The following PTPRG variants were observed in gnomAD, a reference collection of about 807,000 sequenced individuals.
PTPRG encodes receptor-type tyrosine-protein phosphatase gamma.
Under a neutral mutation model 165.3 loss-of-function variants are expected in PTPRG, and 102 were observed. The observed-to-expected ratio is 0.62, with a 90% CI of 0.53 to 0.73. PTPRG has a LOEUF of 0.73. PTPRG is among the 30% of genes least tolerant of loss of function. The pLI is 0.00. For synonymous variants in PTPRG, 675 were observed against 669.5 expected, an observed-to-expected ratio of 1.01 and a Z score of -0.13; for missense variants, 1,866 against 1,861.4, an observed-to-expected ratio of 1.00 and a Z score of -0.05.
intron 2 of PTPRG, among the ~76,000 whole-genome samples, chr3:61,962,690 T>C (rs2040181654): frequency 6.7e-6 from 1 of 150,118 alleles, no homozygotes; most frequent in Non-Finnish European, 1.5e-5. Context: ...GCATTATTTA[T>C]AATACCTCAC....
intron 8 of PTPRG, among the ~76,000 whole-genome samples, chr3:62,177,730 T>C (rs773151294): frequency 9.9e-5 from 15 of 152,078 alleles, no homozygotes; most frequent in Non-Finnish European, 1.6e-4. Flanking sequence ...TTGTCCCACC[T>C]CTGTACCTAA....
chr3:62,028,516 C>T (rs913365116), intron 4 of PTPRG, among the ~76,000 whole-genome samples: 8 of 152,270 alleles, frequency 5.3e-5, no homozygotes, highest in African/African-American at 1.7e-4. Context: ...ATTTCATTTC[C>T]GTATATCCAC....
At chr3:61,931,913 T>G (rs914350422) in intron 2 of PTPRG, among the ~76,000 whole-genome samples, 1 of 152,212 alleles carries the variant, frequency 6.6e-6, no homozygotes, top group Admixed American at 6.5e-5. Context: ...GGTCCTAAAG[T>G]TTTTGAAGCT....
intron 20 of PTPRG, among the ~76,000 whole-genome samples, chr3:62,270,735 T>C (rs1159038287): frequency 6.6e-6 from 1 of 152,188 alleles, no homozygotes; most frequent in Non-Finnish European, 1.5e-5. Flanking sequence ...AAATTAGGTA[T>C]TGATAATAAG....
intron 2 of PTPRG, among the ~76,000 whole-genome samples, chr3:61,853,427 A>T (rs906945281): frequency 6.6e-6 from 1 of 152,080 alleles, no homozygotes; most frequent in Non-Finnish European, 1.5e-5. Flanking sequence ...GAACAAGCTC[A>T]CTCCAATATC....
chr3:61,698,765 C>A (rs1428056235), intron 1 of PTPRG, among the ~76,000 whole-genome samples: 1 of 152,090 alleles, frequency 6.6e-6, no homozygotes, highest in Non-Finnish European at 1.5e-5. Flanking sequence ...ACAACCATAG[C>A]ATGTTAACAT....
rs1700847065 is a variant in PTPRG, at chr3:62,229,597, G to A, written c.2289-1628G>A. 6.6e-6 allele frequency among the ~76,000 whole-genome samples: 1 copy of A among 152,198 alleles called. No individual in the cohort carries two copies. The highest frequency in any genetic ancestry group is 2.4e-5 in the African/African-American group (1 of 41,434). ...ATTTTTAAACCAAGCTTACTTTTCA[G>A]GAAAGGGAAGCTCCTTGTATGTTCA... On this transcript the variant is annotated intron_variant, in intron 13 of 29. Coordinates refer to ENST00000474889, the MANE Select transcript of PTPRG (RefSeq NM_002841.4). The surrounding 1 kb of genome is among the most constrained non-coding windows in gnomAD (Gnocchi z 4.6).
chr3:61,928,008 C>T (rs963852551), intron 2 of PTPRG, among the ~76,000 whole-genome samples: 3 of 152,092 alleles, frequency 2.0e-5, no homozygotes, highest in Non-Finnish European at 4.4e-5. Context: ...GTACCGGTCA[C>T]CTAGCTGAAT....
At chr3:62,249,594 G>A (rs920142199) in intron 15 of PTPRG, among the ~76,000 whole-genome samples, 1 of 152,092 alleles carries the variant, frequency 6.6e-6, no homozygotes, top group Non-Finnish European at 1.5e-5. Context: ...AATCTTAATG[G>A]TATTTATATA....
At position 61,653,547 on chromosome 3, in the gene PTPRG, A is replaced by G. The variant is rs151154071; in HGVS notation, c.85+91175A>G. On this transcript the variant is annotated intron_variant, in intron 1 of 29. Transcript: ENST00000474889. ...ACTGTATGCCAGGCACCCCTGCTTCAGGTACCTTGGATAGAACAGTGAACA... is the reference window on the plus strand; with the variant it reads ...ACTGTATGCCAGGCACCCCTGCTTCGGGTACCTTGGATAGAACAGTGAACA... 5.7e-4 allele frequency among the ~76,000 whole-genome samples: 86 copies of G among 152,040 alleles called. No individual in the cohort carries two copies. The East Asian group carries it at 0.013, about 24-fold the overall frequency.
chr3:62,175,217 A>T (rs1452581349), intron 8 of PTPRG, among the ~76,000 whole-genome samples: 4 of 152,168 alleles, frequency 2.6e-5, no homozygotes, highest in Non-Finnish European at 5.9e-5. Flanking sequence ...ATTTTGTATC[A>T]ATTGTTGTAG....
chr3:62,121,817 G>A (rs774456443), intron 5 of PTPRG, among the ~76,000 whole-genome samples: 25 of 152,304 alleles, frequency 1.6e-4, no homozygotes, highest in Non-Finnish European at 2.8e-4. Flanking sequence ...TTTTCTCAGA[G>A]GAGAGAGAGT....
intron 2 of PTPRG, among the ~76,000 whole-genome samples, chr3:61,915,549 CT>C (rs1300935541): frequency 2.6e-5 from 4 of 152,146 alleles, no homozygotes; most frequent in Non-Finnish European, 5.9e-5. Flanking sequence ...TTGTCATCAT[CT>C]TATTATTCTT....
rs1304640979 is a variant in PTPRG, at chr3:62,237,009, G to A, written c.2375+5698G>A. ...TGTTTGTTTGTTTGTTAATACAGCAGTGTTGTGTGGAATTCCAGACATTTC... is the reference window on the plus strand; with the variant it reads ...TGTTTGTTTGTTTGTTAATACAGCAATGTTGTGTGGAATTCCAGACATTTC... On this transcript the variant is annotated intron_variant, in intron 14 of 29. Transcript: ENST00000474889. The surrounding 1 kb of genome is among the most constrained non-coding windows in gnomAD (Gnocchi z 4.5). 6.6e-6 allele frequency among the ~76,000 whole-genome samples: 1 copy of A among 152,138 alleles called. No individual in the cohort carries two copies. Among genetic ancestry groups the A allele is most frequent in the Non-Finnish European group, 1.5e-5 (1 of 68,036 alleles).
At chr3:61,752,996 C>T (rs1049530972) in intron 2 of PTPRG, among the ~76,000 whole-genome samples, 1 of 151,988 alleles carries the variant, frequency 6.6e-6, no homozygotes, top group African/African-American at 2.4e-5. Context: ...CTTTATAGGC[C>T]TATCAAACAA....
At chr3:61,826,856 T>C (rs2036128475) in intron 2 of PTPRG, among the ~76,000 whole-genome samples, 1 of 151,010 alleles carries the variant, frequency 6.6e-6, no homozygotes, top group South Asian at 2.1e-4. Flanking sequence ...TTTCCGATTA[T>C]GTGGTGGCAA....
At chr3:61,642,953 T>C (rs1030216206) in intron 1 of PTPRG, among the ~76,000 whole-genome samples, 2 of 152,188 alleles carry the variant, frequency 1.3e-5, no homozygotes, top group Non-Finnish European at 2.9e-5. Context: ...AGTAGTCTTA[T>C]AAAAACAAAT....
chr3:62,283,471 A>C (rs1450191438), intron 28 of PTPRG, among the ~76,000 whole-genome samples: 1 of 152,136 alleles, frequency 6.6e-6, no homozygotes, highest in Non-Finnish European at 1.5e-5. Flanking sequence ...TTTAATAAGA[A>C]GGAAAGGGTC....
At chr3:61,873,571 T>G (rs1251465238) in intron 2 of PTPRG, among the ~76,000 whole-genome samples, 2 of 152,186 alleles carry the variant, frequency 1.3e-5, no homozygotes, top group Non-Finnish European at 2.9e-5. Flanking sequence ...AAAAATACTA[T>G]AGGATGGGTT....
Sources: gnomAD v4.1 joint callset for allele counts (sites outside exome capture counted in the v4.1 genomes callset) on GRCh38, gnomAD v4.1.1 for gene constraint, Gnocchi (gnomAD v3.1) non-coding constraint, MANE v1.5 for transcripts, NCBI Gene and HGNC (gene_info 2026-07-23, HGNC 2026-07-21) for gene names.